WDR11: variants seen among roughly 807,000 people sequenced by gnomAD.
The protein encoded by WDR11 is WD repeat-containing protein 11.
In WDR11, 83 loss-of-function variants were observed where a neutral mutation model predicts 151.2. The observed-to-expected ratio is 0.55, with a 90% CI of 0.46 to 0.66. The LOEUF (loss-of-function observed/expected upper bound fraction) is 0.66, where lower values mean the gene tolerates loss of function less well. Among genes scored for constraint, WDR11 ranks in the 30% least tolerant of loss-of-function variants. The pLI, the probability that WDR11 is intolerant of heterozygous loss-of-function variation, is 0.00. For synonymous variants in WDR11, 484 were observed against 533.1 expected, an observed-to-expected ratio of 0.91 and a Z score of 1.27; for missense variants, 1,301 against 1,480.9, an observed-to-expected ratio of 0.88 and a Z score of 1.99.
At chr10:120,888,690 T>C (rs978452556) in intron 16 of WDR11, among the ~76,000 whole-genome samples, 1 of 152,222 alleles carries the variant, frequency 6.6e-6, no homozygotes, top group East Asian at 1.9e-4. Flanking sequence ...GCTTTAAGTT[T>C]CCCTTGGAAT....
In WDR11 at chr10:120,909,490, T is replaced by TACAA. The variant is rs1466987257; in HGVS notation, c.*781_*784dup. 2 of 152,694 alleles carry TACAA rather than the reference T, an allele frequency of 1.3e-5. No homozygotes were observed. Among genetic ancestry groups the TACAA allele is most frequent in the Non-Finnish European group, 2.9e-5 (2 of 68,068 alleles). 9.5% of individuals were successfully genotyped at this position (152,694 alleles called of 1,614,324 possible). A position where few individuals can be genotyped will look rare whatever the true frequency, so the allele number is the denominator to read the frequency against. On this transcript the variant is annotated 3_prime_UTR_variant, in exon 29 of 29. Coordinates refer to ENST00000263461, the MANE Select transcript of WDR11 (RefSeq NM_018117.12). ...GCTGAAAACATAAATGTCTGTAACTTACAAACATGATAAATAAATTAAAAA... is the reference window on the plus strand; with the variant it reads ...GCTGAAAACATAAATGTCTGTAACTTACAAACAAACATGATAAATAAATTAAAAA...
In WDR11 at chr10:120,908,954, T is replaced by A. The variant is rs1848182904; in HGVS notation, c.*241T>A. The A allele has an allele frequency of 1.9e-6, 1 of 536,664 alleles. No individual in the cohort carries two copies. Among genetic ancestry groups the A allele is most frequent in the African/African-American group, 1.9e-5 (1 of 52,658 alleles). The allele number at this position is 536,664 out of a possible 1,614,324, so 33.2% of individuals were successfully genotyped here. A position where few individuals can be genotyped will look rare whatever the true frequency, so the allele number is the denominator to read the frequency against. ...TAAGATTTTGAAAGTACATAATATT[T>A]TATACTTTGGGAGAGAGCTTTAAGA... On this transcript the variant is annotated 3_prime_UTR_variant, in exon 29 of 29. Coordinates refer to ENST00000263461, the MANE Select transcript of WDR11 (RefSeq NM_018117.12).
At chr10:120,859,028 T>G (rs1846042958) in intron 3 of WDR11, among the ~76,000 whole-genome samples, 2 of 152,214 alleles carry the variant, frequency 1.3e-5, no homozygotes, top group Non-Finnish European at 2.9e-5. Flanking sequence ...AACTCATTAA[T>G]TGCAATATCA....
chr10:120,897,135 A>G (rs990027584), intron 19 of WDR11, among the ~76,000 whole-genome samples: 1 of 152,182 alleles, frequency 6.6e-6, no homozygotes, highest in Non-Finnish European at 1.5e-5. Flanking sequence ...ACGAAAACTA[A>G]TGGTGGTATT....
At chr10:120,867,259 CA>C in intron 9 of WDR11, 90 bp downstream of exon 9, 1 of 961,710 alleles carries the variant, frequency 1.0e-6, no homozygotes, top group Non-Finnish European at 1.6e-6. Flanking sequence ...ATTTTAAAGT[CA>C]AAAAAGTTAA....
At position 120,890,642 on chromosome 10, in the gene WDR11, C is replaced by T. The variant is rs1847401341; in HGVS notation, c.2344-74C>T. ...TGGGCCTTTGCCACAGACTGTCTTC[C>T]TTGACCATTTAATCTAGAATAATAA... On this transcript the variant is annotated intron_variant, in intron 18 of 28. Coordinates refer to ENST00000263461, the MANE Select transcript of WDR11 (RefSeq NM_018117.12). 4 of 1,586,384 alleles carry T rather than the reference C, an allele frequency of 2.5e-6. No homozygotes were observed. In the South Asian group the frequency reaches 4.4e-5, roughly 18 times the overall value.
intron 8 of WDR11, 129 bp downstream of exon 8, chr10:120,866,893 T>G (rs1199196809): frequency 3.5e-6 from 4 of 1,146,550 alleles, no homozygotes; most frequent in Middle Eastern, 2.8e-4. Flanking sequence ...AATTAAGGCT[T>G]TAGATTATTA....
At position 120,908,964 on chromosome 10, in the gene WDR11, G is replaced by A; in HGVS notation, c.*251G>A. 1 of 500,158 alleles carries A rather than the reference G, an allele frequency of 2.0e-6. No homozygotes were observed. The allele number at this position is 500,158 out of a possible 1,614,324, so 31.0% of individuals were successfully genotyped here. ...AAAGTACATAATATTTTATACTTTGGGAGAGAGCTTTAAGAGTCCCTGGAA... is the reference window on the plus strand; with the variant it reads ...AAAGTACATAATATTTTATACTTTGAGAGAGAGCTTTAAGAGTCCCTGGAA... On this transcript the variant is annotated 3_prime_UTR_variant, in exon 29 of 29. Coordinates refer to ENST00000263461, the MANE Select transcript of WDR11 (RefSeq NM_018117.12).
chr10:120,865,277 T>C (rs1312727070), intron 6 of WDR11, 65 bp downstream of exon 6: 4 of 1,485,764 alleles, frequency 2.7e-6, no homozygotes. Flanking sequence ...AAGAAGGCCA[T>C]AATCTTGCAT....
chr10:120,869,906 C>CA (rs2133754079), intron 9 of WDR11, among the ~76,000 whole-genome samples: 1 of 152,314 alleles, frequency 6.6e-6, no homozygotes, highest in Non-Finnish European at 1.5e-5. Flanking sequence ...TCTCCTGCCT[C>CA]AGCCCCATGA....
At chr10:120,898,351 T>A (rs1312664706) in intron 19 of WDR11, among the ~76,000 whole-genome samples, 1 of 152,218 alleles carries the variant, frequency 6.6e-6, no homozygotes, top group Admixed American at 6.5e-5. Flanking sequence ...AGGCATGTAT[T>A]CAAGTTGTTT....
intron 20 of WDR11, among the ~76,000 whole-genome samples, 194 bp from the exon 21 acceptor site, chr10:120,900,842 A>G (rs754054718): frequency 8.5e-5 from 13 of 152,212 alleles, no homozygotes; most frequent in Non-Finnish European, 7.3e-5. Flanking sequence ...TTTTGACTCA[A>G]TAAGATAAAA....
chr10:120,866,353 T>G (rs1846311185), intron 7 of WDR11, among the ~76,000 whole-genome samples: 1 of 146,786 alleles, frequency 6.8e-6, no homozygotes. Flanking sequence ...ATATCTTGAT[T>G]ATAGTTGTTA....
intron 2 of WDR11, among the ~76,000 whole-genome samples, chr10:120,858,076 C>G (rs1286435457): frequency 1.3e-5 from 2 of 151,588 alleles, no homozygotes; most frequent in Non-Finnish European, 2.9e-5. Context: ...CCCTGGAGTT[C>G]ATGTGTTTTT....
At chr10:120,895,195 T>C (rs1441110089) in intron 19 of WDR11, among the ~76,000 whole-genome samples, 1 of 151,956 alleles carries the variant, frequency 6.6e-6, no homozygotes, top group African/African-American at 2.4e-5. Context: ...AAGATTATTA[T>C]GTATAGTTAA....
At chr10:120,894,474 T>C (rs1176057211) in intron 19 of WDR11, among the ~76,000 whole-genome samples, 2 of 152,122 alleles carry the variant, frequency 1.3e-5, no homozygotes, top group Non-Finnish European at 2.9e-5. Context: ...TCTGGCGCAA[T>C]GAAGAATTGT....
intron 8 of WDR11, 39 bp from the exon 9 acceptor site, chr10:120,867,027 T>G (rs774707571): frequency 6.6e-7 from 1 of 1,510,406 alleles, no homozygotes; most frequent in Non-Finnish European, 9.2e-7. Context: ...AATGCAGATT[T>G]TAAGTATGTA....
Position 120,886,731 on chromosome 10 carries a change from C to T in WDR11, c.2016C>T (p.Asn672=). ...EAESKSELSQ[N]ISAREHFVFT... ...AAAGTAAATCTGAACTTAGTCAGAA[C>T]ATCTCTGCCCGGGAACATTTTGTAT... The change falls in exon 16 of 29, where the codon AAC becomes AAT. Residue 672 remains asparagine (N), a synonymous_variant. Coordinates refer to ENST00000263461, the MANE Select transcript of WDR11 (RefSeq NM_018117.12). The T allele has an allele frequency of 6.2e-7, 1 of 1,614,022 alleles. No individual in the cohort carries two copies. Among genetic ancestry groups the T allele is most frequent in the Admixed American group, 1.7e-5 (1 of 60,004 alleles).
intron 1 of WDR11, chr10:120,851,910 T>A: frequency 6.5e-6 from 2 of 305,686 alleles, no homozygotes; most frequent in Non-Finnish European, 1.3e-5. Flanking sequence ...TTCAACAATG[T>A]GCCAGACCCT....
Sources: gnomAD v4.1 joint callset for allele counts (sites outside exome capture counted in the v4.1 genomes callset) on GRCh38, gnomAD v4.1.1 for gene constraint, MANE v1.5 for transcripts, NCBI Gene and HGNC (gene_info 2026-07-23, HGNC 2026-07-21) for gene names.